OXR1: variants seen among roughly 807,000 people sequenced by gnomAD.
OXR1 encodes oxidation resistance protein 1.
In OXR1, 41 loss-of-function variants were observed where a neutral mutation model predicts 104.6. The ratio of observed to expected loss-of-function variants is 0.39; its 90% confidence interval spans 0.31 to 0.51. OXR1 has a LOEUF of 0.51. Ranked by LOEUF, OXR1 falls within the 20% of genes least tolerant of loss-of-function variation. The pLI, the probability that OXR1 is intolerant of heterozygous loss-of-function variation, is 0.77. For missense variants in OXR1, 955 were observed against 1,031.9 expected, an observed-to-expected ratio of 0.93 and a Z score of 1.02; for synonymous variants, 348 against 348.4, an observed-to-expected ratio of 1.00 and a Z score of 0.01.
intron 2 of OXR1, among the ~76,000 whole-genome samples, chr8:106,378,422 C>T (rs1002572826): frequency 1.3e-5 from 2 of 152,328 alleles, no homozygotes; most frequent in East Asian, 1.9e-4. Context: ...TGCTTCCCCC[C>T]ACTCTCTTCA....
Position 106,359,512 on chromosome 8 carries a change from A to C in OXR1, c.-102A>C. 1 of 815,378 alleles carries C rather than the reference A, an allele frequency of 1.2e-6. No homozygotes were observed. Among genetic ancestry groups the C allele is most frequent in the Non-Finnish European group, 2.1e-6 (1 of 476,828 alleles). 50.5% of individuals were successfully genotyped at this position (815,378 alleles called of 1,614,324 possible). On this transcript the variant is annotated 5_prime_UTR_variant, in exon 2 of 17. Coordinates refer to ENST00000517566, the MANE Select transcript of OXR1 (RefSeq NM_001198533.2). Reference sequence around the variant, plus strand: ...CTGTGAGTAACTAAGTGGTTTGTGCATCATTCCAGAAGCAAAGCTAAAATT... The same window carrying C: ...CTGTGAGTAACTAAGTGGTTTGTGCCTCATTCCAGAAGCAAAGCTAAAATT...
chr8:106,536,983 T>C (rs1344585205), intron 3 of OXR1, among the ~76,000 whole-genome samples: 1 of 152,118 alleles, frequency 6.6e-6, no homozygotes, highest in African/African-American at 2.4e-5. Flanking sequence ...GAATGGGTGG[T>C]TTAAACAATG....
intron 2 of OXR1, among the ~76,000 whole-genome samples, chr8:106,460,778 C>G (rs540998877): frequency 6.6e-6 from 1 of 152,186 alleles, no homozygotes; most frequent in Admixed American, 6.6e-5. Context: ...GCCATGTACA[C>G]TGGTCTAAGA....
intron 3 of OXR1, among the ~76,000 whole-genome samples, chr8:106,550,850 C>A (rs1815746767): frequency 6.6e-6 from 1 of 152,142 alleles, no homozygotes; most frequent in African/African-American, 2.4e-5. Flanking sequence ...AACTAATACA[C>A]CCTGTCTAGA....
At chr8:106,526,888 G>A (rs548232918) in intron 3 of OXR1, among the ~76,000 whole-genome samples, 56 of 152,126 alleles carry the variant, frequency 3.7e-4, no homozygotes, top group Non-Finnish European at 6.2e-4. Context: ...CTTGCCAGAG[G>A]GAAGGAGAAA....
intron 11 of OXR1, among the ~76,000 whole-genome samples, chr8:106,720,073 T>C (rs1232048996): frequency 1.3e-5 from 2 of 152,220 alleles, no homozygotes; most frequent in Non-Finnish European, 2.9e-5. Context: ...CCCAAAGTGC[T>C]GGGATTACAG....
At chr8:106,471,339 A>G (rs1821481798) in intron 2 of OXR1, among the ~76,000 whole-genome samples, 1 of 151,704 alleles carries the variant, frequency 6.6e-6, no homozygotes, top group South Asian at 2.1e-4. Flanking sequence ...TTAATTGCTT[A>G]GAGAGTTTTT....
chr8:106,308,815 T>C lies in OXR1; in HGVS notation c.-139+38448T>C, dbSNP rs192490193. Reference sequence around the variant, plus strand: ...AATCAGCTAAATGTGTACATTTACATAGGAAAATATTCAATATTTACTTGC... The same window carrying C: ...AATCAGCTAAATGTGTACATTTACACAGGAAAATATTCAATATTTACTTGC... On this transcript the variant is annotated intron_variant, in intron 1 of 16. Coordinates refer to ENST00000517566, the MANE Select transcript of OXR1 (RefSeq NM_001198533.2). 1.1e-3 allele frequency among the ~76,000 whole-genome samples: 163 copies of C among 152,320 alleles called. 2 individuals carry two copies. The East Asian group carries it at 0.028, about 26-fold the overall frequency.
chr8:106,745,444 T>C (rs1298127245), intron 15 of OXR1, among the ~76,000 whole-genome samples: 1 of 152,222 alleles, frequency 6.6e-6, no homozygotes, highest in Admixed American at 6.5e-5. Flanking sequence ...TTAATGGCAT[T>C]TGTGTCCGAT....
chr8:106,308,744 A>G (rs1041256478), intron 1 of OXR1, among the ~76,000 whole-genome samples: 5 of 111,750 alleles, frequency 4.5e-5, no homozygotes, highest in African/African-American at 3.5e-5. Flanking sequence ...TCTCTCTTGC[A>G]TAAACTACTG....
At chr8:106,327,572 C>T (rs917241751) in intron 1 of OXR1, among the ~76,000 whole-genome samples, 5 of 152,106 alleles carry the variant, frequency 3.3e-5, no homozygotes, top group South Asian at 2.1e-4. Flanking sequence ...AATTGTAATG[C>T]GTCTTGCTAA....
chr8:106,426,400 A>G (rs1454032683), intron 2 of OXR1, among the ~76,000 whole-genome samples: 1 of 152,008 alleles, frequency 6.6e-6, no homozygotes, highest in Non-Finnish European at 1.5e-5. Flanking sequence ...AATCTATAGT[A>G]CTTATGTCTT....
At chr8:106,510,681 T>C (rs1238023914) in intron 2 of OXR1, among the ~76,000 whole-genome samples, 1 of 152,068 alleles carries the variant, frequency 6.6e-6, no homozygotes, top group African/African-American at 2.4e-5. Flanking sequence ...TTCAACTACA[T>C]TTAATGAGAG....
intron 1 of OXR1, among the ~76,000 whole-genome samples, chr8:106,274,433 T>C (rs1391794215): frequency 6.6e-6 from 1 of 152,324 alleles, no homozygotes; most frequent in Non-Finnish European, 1.5e-5. Flanking sequence ...ATTTTTGTTA[T>C]TGGTTTGTTT....
At chr8:106,466,544 T>C (rs1821180444) in intron 2 of OXR1, among the ~76,000 whole-genome samples, 1 of 151,930 alleles carries the variant, frequency 6.6e-6, no homozygotes, top group South Asian at 2.1e-4. Context: ...TTACATCTTA[T>C]AAACTTAATT....
intron 2 of OXR1, among the ~76,000 whole-genome samples, chr8:106,372,678 T>A (rs1263091140): frequency 6.6e-6 from 1 of 152,212 alleles, no homozygotes; most frequent in East Asian, 1.9e-4. Context: ...CCAGGCCATG[T>A]GTATAAGGTG....
At chr8:106,601,268 G>A (rs1819948708) in intron 3 of OXR1, among the ~76,000 whole-genome samples, 1 of 152,196 alleles carries the variant, frequency 6.6e-6, no homozygotes, top group African/African-American at 2.4e-5. Context: ...GGGAGGTATG[G>A]TAGCCAGAAT....
At chr8:106,417,286 A>C (rs1214511802) in intron 2 of OXR1, among the ~76,000 whole-genome samples, 1 of 152,148 alleles carries the variant, frequency 6.6e-6, no homozygotes, top group Non-Finnish European at 1.5e-5. Context: ...GGTGTTAGCT[A>C]TTGGAACTCC....
At chr8:106,694,661 AAT>A (rs1361902552) in intron 7 of OXR1, among the ~76,000 whole-genome samples, 6 of 109,812 alleles carry the variant, frequency 5.5e-5, no homozygotes, top group Admixed American at 2.3e-4. Context: ...TTGATATATA[AAT>A]ATATGTTTAT....
Sources: allele counts gnomAD v4.1 joint callset (sites outside exome capture counted in the v4.1 genomes callset), GRCh38; gene constraint gnomAD v4.1.1; transcripts MANE v1.5; gene names NCBI Gene and HGNC (gene_info 2026-07-23, HGNC 2026-07-21).